Variants in ANKS1B observed in about 807,000 individuals in gnomAD.
ANKS1B encodes ankyrin repeat and sterile alpha motif domain-containing protein 1B.
Under a neutral mutation model 148.3 loss-of-function variants are expected in ANKS1B, and 36 were observed. That is an observed-to-expected ratio of 0.24 (90% CI 0.19 to 0.32). ANKS1B has a LOEUF of 0.32. ANKS1B is among the 10% of genes least tolerant of loss of function. The probability of loss-of-function intolerance (pLI) is 1.00; values close to 1 mark genes in which losing one functional copy is unlikely to be tolerated. For synonymous variants in ANKS1B, 542 were observed against 560.8 expected (o/e 0.97, Z 0.47); for missense variants, 1,157 against 1,542.6 (o/e 0.75, Z 4.19).
intron 12 of ANKS1B, among the ~76,000 whole-genome samples, chr12:99,266,062 C>T (rs1413013772): frequency 6.6e-6 from 1 of 152,098 alleles, no homozygotes; most frequent in Non-Finnish European, 1.5e-5. Context: ...AAGGAGTGAA[C>T]TAGAAAAATG....
intron 17 of ANKS1B, among the ~76,000 whole-genome samples, chr12:98,839,396 TATCTATCTTTCTATC>T (rs1567038107): frequency 2.3e-5 from 1 of 43,822 alleles, no homozygotes; most frequent in Non-Finnish European, 6.8e-5. Context: ...TGTATGTATG[TATCTATCTTTCTATC>T]ATCCATCCAT....
Position 99,780,201 on chromosome 12 carries a change from T to G in ANKS1B, c.746-229A>C, listed in dbSNP as rs1049055359. On this transcript the variant is annotated intron_variant, in intron 5 of 26. Coordinates refer to ENST00000683438, the MANE Select transcript of ANKS1B (RefSeq NM_001352186.2). ...GCAGGGGCCTGTTGCTACCAAAGAT[T>G]AGGAACATTCTTGATCATCAATTAA... is the stretch of plus-strand genomic sequence containing the variant. Among the ~76,000 whole-genome samples the G allele has an allele frequency of 3.3e-5, 5 of 152,152 alleles. No individual in the cohort carries two copies. The South Asian group carries it at 8.3e-4, about 25-fold the overall frequency.
intron 2 of ANKS1B, among the ~76,000 whole-genome samples, chr12:99,822,524 T>C (rs924452484): frequency 6.6e-6 from 1 of 152,208 alleles, no homozygotes; most frequent in Non-Finnish European, 1.5e-5. Context: ...TTCCCACTTA[T>C]AAGTGAGAAC....
At chr12:99,406,324 T>C (rs529460859) in intron 11 of ANKS1B, among the ~76,000 whole-genome samples, 1 of 146,116 alleles carries the variant, frequency 6.8e-6, no homozygotes, top group African/African-American at 2.6e-5. Context: ...ATATCAAGTA[T>C]CTTCTTTATC....
At chr12:99,022,425 A>G (rs1217098834) in intron 17 of ANKS1B, among the ~76,000 whole-genome samples, 2 of 152,216 alleles carry the variant, frequency 1.3e-5, no homozygotes, top group Admixed American at 1.3e-4. Context: ...TTTATCTGCC[A>G]TAGCAGCTAA....
chr12:99,459,475 G>C (rs1293715118), intron 10 of ANKS1B, among the ~76,000 whole-genome samples: 2 of 152,032 alleles, frequency 1.3e-5, no homozygotes, highest in African/African-American at 4.8e-5. Flanking sequence ...AACTGTCACT[G>C]TTTGCTGATG....
intron 16 of ANKS1B, among the ~76,000 whole-genome samples, chr12:99,069,172 G>A (rs895837034): frequency 1.3e-5 from 2 of 152,122 alleles, no homozygotes; most frequent in East Asian, 1.9e-4. Context: ...GTTTGCAGAC[G>A]TTATGCCTCT....
chr12:99,075,653 A>G (rs1469836720), intron 16 of ANKS1B, among the ~76,000 whole-genome samples: 1 of 151,980 alleles, frequency 6.6e-6, no homozygotes. Flanking sequence ...TTCTTTCTTA[A>G]AAAGGTGATC....
intron 17 of ANKS1B, among the ~76,000 whole-genome samples, chr12:98,921,776 A>G (rs1362712956): frequency 6.6e-6 from 1 of 152,246 alleles, no homozygotes; most frequent in Admixed American, 6.5e-5. Context: ...AAATCCATCT[A>G]TAAAGATGGT....
At chr12:98,915,860 C>T (rs779543395) in intron 17 of ANKS1B, among the ~76,000 whole-genome samples, 2 of 152,178 alleles carry the variant, frequency 1.3e-5, no homozygotes, top group Non-Finnish European at 2.9e-5. Context: ...AACCAAGACT[C>T]AAATCCAGCT....
rs1479954644 is a variant in ANKS1B, at chr12:99,839,970, T to C, written c.135-14581A>G. ...CATTCACTCATTCAAAAAATAGCTA[T>C]TGAGTATCCACTATATACAGGCACT... On this transcript the variant is annotated intron_variant, in intron 1 of 26. Transcript: ENST00000683438. Among the ~76,000 whole-genome samples the C allele has an allele frequency of 6.6e-5, 10 of 152,270 alleles. No homozygotes were observed. In the South Asian group the frequency reaches 8.3e-4, roughly 13 times the overall value.
intron 4 of ANKS1B, among the ~76,000 whole-genome samples, chr12:99,794,510 C>T (rs1191377402): frequency 4.3e-5 from 6 of 139,996 alleles, no homozygotes; most frequent in Non-Finnish European, 7.8e-5. Flanking sequence ...GAGTACTATA[C>T]AGCCACAAAA....
chr12:99,500,737 G>C (rs889016502), intron 10 of ANKS1B, among the ~76,000 whole-genome samples: 2 of 152,174 alleles, frequency 1.3e-5, no homozygotes, highest in African/African-American at 2.4e-5. Context: ...ATTGTGCTCT[G>C]TTGAATTTAA....
chr12:99,090,505 A>G (rs1441832856), intron 15 of ANKS1B, among the ~76,000 whole-genome samples: 1 of 152,186 alleles, frequency 6.6e-6, no homozygotes, highest in African/African-American at 2.4e-5. Context: ...TAGCTAAATT[A>G]GATTCTTCTC....
chr12:98,972,433 G>A (rs921703155), intron 17 of ANKS1B, among the ~76,000 whole-genome samples: 4 of 152,196 alleles, frequency 2.6e-5, no homozygotes, highest in East Asian at 1.9e-4. Context: ...ACATTATCTC[G>A]TTTAACTCTC....
intron 17 of ANKS1B, among the ~76,000 whole-genome samples, chr12:98,896,428 T>A (rs1462863047): frequency 2.6e-5 from 4 of 152,210 alleles, no homozygotes; most frequent in African/African-American, 7.2e-5. Flanking sequence ...TATATTATCC[T>A]CACTTTACAG....
intron 17 of ANKS1B, among the ~76,000 whole-genome samples, chr12:98,905,196 C>T (rs2099777268): frequency 6.6e-6 from 1 of 152,300 alleles, no homozygotes; most frequent in South Asian, 2.1e-4. Flanking sequence ...ATAGCTGGAA[C>T]TAAAAATTCC....
intron 12 of ANKS1B, among the ~76,000 whole-genome samples, chr12:99,385,704 T>G (rs1475012178): frequency 6.6e-6 from 1 of 152,120 alleles, no homozygotes; most frequent in Non-Finnish European, 1.5e-5. Flanking sequence ...TCATAACTAA[T>G]AATAGAAATA....
At chr12:99,124,279 G>A (rs1426949548) in intron 15 of ANKS1B, among the ~76,000 whole-genome samples, 1 of 152,176 alleles carries the variant, frequency 6.6e-6, no homozygotes, top group East Asian at 1.9e-4. Flanking sequence ...GACTCTGGAT[G>A]TTTTTAGAGG....
Sources: gnomAD v4.1 joint callset for allele counts (sites outside exome capture counted in the v4.1 genomes callset) on GRCh38, gnomAD v4.1.1 for gene constraint, MANE v1.5 for transcripts, NCBI Gene and HGNC (gene_info 2026-07-23, HGNC 2026-07-21) for gene names.